Variants in POLRMT observed in about 807,000 individuals in gnomAD.
The protein encoded by POLRMT is DNA-directed RNA polymerase, mitochondrial.
In POLRMT, 114 loss-of-function variants were observed where a neutral mutation model predicts 132.2. The observed-to-expected ratio is 0.86, with a 90% CI of 0.74 to 1.01. The LOEUF (loss-of-function observed/expected upper bound fraction) is 1.01, where lower values mean the gene tolerates loss of function less well. Among genes scored for constraint, POLRMT ranks in the 50% least tolerant of loss-of-function variants. The pLI is 0.00. For missense variants in POLRMT, 2,003 were observed against 1,729.1 expected (o/e 1.16, Z -2.81); for synonymous variants, 1,020 against 773.4 (o/e 1.32, Z -5.29).
chr19:625,001 C>T, intron 4 of POLRMT, 96 bp from the exon 5 acceptor site: 1 of 1,522,386 alleles, frequency 6.6e-7, no homozygotes, highest in Non-Finnish European at 8.9e-7. Flanking sequence ...TGCTAGCCTG[C>T]AGGTCTCGGT....
intron 5 of POLRMT, among the ~76,000 whole-genome samples, chr19:624,360 A>G (rs1984863572): frequency 6.6e-6 from 1 of 152,176 alleles, no homozygotes; most frequent in South Asian, 2.1e-4. Context: ...AACCGTGACT[A>G]CACTAAAATC....
At chr19:630,896 G>T (rs1326613696) in intron 2 of POLRMT, among the ~76,000 whole-genome samples, 1 of 152,194 alleles carries the variant, frequency 6.6e-6, no homozygotes, top group African/African-American at 2.4e-5. Context: ...GGCGGCTCAC[G>T]TCGGTCATCC....
intron 13 of POLRMT, 64 bp downstream of exon 13, chr19:619,522 C>T (rs911441031): frequency 3.8e-6 from 6 of 1,589,942 alleles, no homozygotes; most frequent in South Asian, 2.2e-5. Flanking sequence ...GTCGGGGGCA[C>T]ACCCGTCTGA....
intron 3 of POLRMT, among the ~76,000 whole-genome samples, chr19:626,898 C>CATATAT (rs113561619): frequency 3.4e-5 from 5 of 146,702 alleles, no homozygotes; most frequent in African/African-American, 1.3e-4. Context: ...CACACACACA[C>CATATAT]ATATATATAT....
At chr19:619,410 G>A in intron 13 of POLRMT, 114 bp from the exon 14 acceptor site, 1 of 1,382,688 alleles carries the variant, frequency 7.2e-7, no homozygotes, top group South Asian at 1.2e-5. Flanking sequence ...AGGGGGGCAG[G>A]GGAATGGGGC....
Position 622,592 on chromosome 19 carries a change from G to T in POLRMT, c.1616C>A (p.Ser539Tyr). ...HYRKYLCLLA[S>Y]DAEVPEPCLP... The stretch of plus-strand genomic sequence containing the variant: ...GGGTGCGAGCCTCACCTCGGCGTCG[G>T]AGGCCAGCAAGCAGAGGTACTTCCT... Residue 539 changes from serine (S) to tyrosine (Y), a missense_variant, in exon 8 of 21, where the codon TCC (serine) becomes TAC (tyrosine). Coordinates refer to ENST00000588649, the MANE Select transcript of POLRMT (RefSeq NM_005035.4). The T allele has an allele frequency of 6.2e-7, 1 of 1,601,548 alleles. No homozygotes were observed.
intron 3 of POLRMT, among the ~76,000 whole-genome samples, chr19:628,709 C>A (rs1043924194): frequency 6.6e-6 from 1 of 151,918 alleles, no homozygotes; most frequent in Non-Finnish European, 1.5e-5. Context: ...CCAAGAGTTC[C>A]GAGGAGAAAC....
Position 620,014 on chromosome 19 carries a change from C to T in POLRMT, c.2830G>A (p.Val944Ile). ...GGCACATCCGAGGGCTCCAGGTTGA[C>T]GGAGGCGGCGCCCACGCTGTCGCGG... ...LGRDSVGAAS[V>I]NLEPSDVPQD... Residue 944 changes from valine (V) to isoleucine (I), a missense_variant, in exon 12 of 21, where the codon GTC becomes ATC. Val to Ile is a conservative substitution (Grantham distance 29). Coordinates refer to ENST00000588649, the MANE Select transcript of POLRMT (RefSeq NM_005035.4). The T allele has an allele frequency of 5.1e-6, 8 of 1,580,974 alleles. No homozygotes were observed. The highest frequency in any genetic ancestry group is 1.3e-5 in the African/African-American group (1 of 74,654).
chr19:618,849 G>C (rs1377949594), intron 15 of POLRMT, 89 bp from the exon 16 acceptor site: 4 of 1,455,938 alleles, frequency 2.7e-6, no homozygotes, highest in Non-Finnish European at 9.4e-7. Flanking sequence ...GTAGTGGCAC[G>C]CTAGGATGGT....
chr19:623,016 C>G, intron 6 of POLRMT, 31 bp from the exon 7 acceptor site: 1 of 1,604,854 alleles, frequency 6.2e-7, no homozygotes, highest in Non-Finnish European at 8.5e-7. Context: ...CGGTGAGCCC[C>G]GTGGCAGCTG....
chr19:622,798 CG>C (rs1338351394), intron 7 of POLRMT, 22 bp downstream of exon 7: 11 of 1,573,064 alleles, frequency 7.0e-6, no homozygotes, highest in Non-Finnish European at 8.6e-6. Context: ...CCCGGGGACC[CG>C]GCCGCGCGGA....
chr19:621,813 G>A lies in POLRMT; in HGVS notation c.1885C>T (p.Gln629Ter), dbSNP rs745509576. ...GILKPHPAYV[Q>*]LLEKAAEPTL... ...GGCTCCGCGGCCTTCTCCAGCAGCTGCACGTAGGCCGGGTGCGGCTTCAGG... is the reference window on the plus strand; with the variant it reads ...GGCTCCGCGGCCTTCTCCAGCAGCTACACGTAGGCCGGGTGCGGCTTCAGG... The change falls in exon 10 of 21, where the codon CAG (glutamine) becomes TAG (stop). Residue 629 changes from glutamine to a stop codon, truncating the protein, a stop_gained. Coordinates refer to ENST00000588649, the MANE Select transcript of POLRMT (RefSeq NM_005035.4). LOFTEE classifies it high-confidence loss of function. The A allele has an allele frequency of 3.1e-6, 5 of 1,602,490 alleles. No homozygotes were observed. In the South Asian group the frequency reaches 3.3e-5, roughly 11 times the overall value.
intron 9 of POLRMT, 47 bp from the exon 10 acceptor site, chr19:621,893 T>C (rs1367552842): frequency 5.7e-6 from 9 of 1,587,442 alleles, no homozygotes; most frequent in Admixed American, 5.1e-5. Context: ...GCTGGGGCTT[T>C]CCTGTTCCCA....
Position 619,678 on chromosome 19 carries a change from G to A in POLRMT, c.2974C>T (p.Gln992Ter), listed in dbSNP as rs767366675. 6.2e-7 allele frequency: 1 copy of A among 1,610,320 alleles called. No homozygotes were observed. The highest frequency in any genetic ancestry group is 8.5e-7 in the Non-Finnish European group (1 of 1,179,344). ...CCGTACACCACCGTCATCACCGTCT[G>A]CTTCACCACCTTGCGGGTGATGAAA... Reference protein sequence around the residue: ...EGFITRKVVKQTVMTVVYGVT... With the variant: ...EGFITRKVVK The change falls in exon 13 of 21, where the codon CAG becomes TAG. Residue 992 changes from glutamine to a stop codon, truncating the protein, a stop_gained. Coordinates refer to ENST00000588649, the MANE Select transcript of POLRMT (RefSeq NM_005035.4). LOFTEE classifies it high-confidence loss of function.
chr19:628,159 C>T (rs1028265648), intron 3 of POLRMT, among the ~76,000 whole-genome samples: 1 of 152,138 alleles, frequency 6.6e-6, no homozygotes, highest in Non-Finnish European at 1.5e-5. Context: ...GGAGAGACTT[C>T]GGGTCTGCAG....
In POLRMT at chr19:620,427, C is replaced by T. The variant is rs1984430008; in HGVS notation, c.2701G>A (p.Val901Met). The T allele has an allele frequency of 6.3e-7, 1 of 1,597,804 alleles. No homozygotes were observed. Among genetic ancestry groups the T allele is most frequent in the South Asian group, 1.1e-5 (1 of 88,514 alleles). ...PWQTLACCME[V>M]ANAVRASDPA... ...TCGGAGGCGCGCACAGCGTTCGCCACCTCCATACAGCAGGCCAGCGTCTGC... is the reference window on the plus strand; with the variant it reads ...TCGGAGGCGCGCACAGCGTTCGCCATCTCCATACAGCAGGCCAGCGTCTGC... The change falls in exon 11 of 21, where the codon GTG becomes ATG. Residue 901 changes from valine to methionine, a missense_variant. Val to Met is a conservative substitution (Grantham distance 21). Transcript: ENST00000588649.
At chr19:627,505 CAT>C (rs953995761) in intron 3 of POLRMT, among the ~76,000 whole-genome samples, 11 of 152,138 alleles carry the variant, frequency 7.2e-5, no homozygotes, top group Admixed American at 5.9e-4. Flanking sequence ...ACTGGCCACA[CAT>C]AGTCCTTAAA....
chr19:621,928 C>T, intron 9 of POLRMT, 82 bp from the exon 10 acceptor site: 3 of 1,466,952 alleles, frequency 2.0e-6, no homozygotes, highest in Non-Finnish European at 1.8e-6. Flanking sequence ...GTGAGAGGGG[C>T]CGGCTCCCCG....
intron 3 of POLRMT, among the ~76,000 whole-genome samples, chr19:628,082 G>C (rs895384803): frequency 3.9e-5 from 6 of 152,162 alleles, no homozygotes; most frequent in African/African-American, 1.2e-4. Flanking sequence ...GCAGTCCAGC[G>C]ACATCCAGGA....
Sources: gnomAD v4.1 joint callset for allele counts (sites outside exome capture counted in the v4.1 genomes callset) on GRCh38, gnomAD v4.1.1 for gene constraint, MANE v1.5 for transcripts, NCBI Gene and HGNC (gene_info 2026-07-23, HGNC 2026-07-21) for gene names.